GPC6: variants seen among roughly 807,000 people sequenced by gnomAD.
The protein encoded by GPC6 is glypican 6.
GPC6 carries 14 observed loss-of-function variants against 55.2 expected under a neutral mutation model. That is an observed-to-expected ratio of 0.25 (90% CI 0.17 to 0.40). GPC6 has a LOEUF of 0.40. GPC6 is among the 10% of genes least tolerant of loss of function. The pLI is 1.00. For missense variants in GPC6, 641 were observed against 708.5 expected, an observed-to-expected ratio of 0.90 and a Z score of 1.08; for synonymous variants, 278 against 259.6, an observed-to-expected ratio of 1.07 and a Z score of -0.68.
intron 1 of GPC6, among the ~76,000 whole-genome samples, chr13:93,336,714 G>A (rs1181130803): frequency 6.6e-6 from 1 of 152,230 alleles, no homozygotes; most frequent in African/African-American, 2.4e-5. Context: ...GGTAGACTGT[G>A]ACACCGGGTG....
chr13:94,368,138 A>G (rs1335320156), intron 6 of GPC6, among the ~76,000 whole-genome samples: 1 of 131,078 alleles, frequency 7.6e-6, no homozygotes, highest in East Asian at 2.3e-4. Flanking sequence ...ACAGAGCAAG[A>G]CTCTGTCTCA....
At chr13:93,698,572 T>C (rs1192682239) in intron 2 of GPC6, among the ~76,000 whole-genome samples, 1 of 150,276 alleles carries the variant, frequency 6.7e-6, no homozygotes, top group East Asian at 2.0e-4. Context: ...TTAGATTATT[T>C]CCTCTTCTAC....
chr13:93,242,459 C>T (rs1333151241), intron 1 of GPC6, among the ~76,000 whole-genome samples: 2 of 152,288 alleles, frequency 1.3e-5, no homozygotes, highest in African/African-American at 2.4e-5. Flanking sequence ...CCAGAGGACA[C>T]ACATCCTGTG....
At chr13:93,563,646 A>T (rs549869695) in intron 2 of GPC6, among the ~76,000 whole-genome samples, 102 of 152,254 alleles carry the variant, frequency 6.7e-4, no homozygotes, top group African/African-American at 2.4e-3. Context: ...TTGCAACTAA[A>T]GAGTAGCAAG....
At chr13:94,352,480 G>A (rs79388130) in intron 6 of GPC6, among the ~76,000 whole-genome samples, 1,785 of 151,672 alleles carry the variant, frequency 0.012, 34 homozygotes, top group African/African-American at 0.041. Flanking sequence ...GCTCCTAGAG[G>A]AGAGTGAGGC....
intron 4 of GPC6, among the ~76,000 whole-genome samples, chr13:94,219,997 A>G (rs1890336166): frequency 6.6e-6 from 1 of 152,080 alleles, no homozygotes; most frequent in African/African-American, 2.4e-5. Context: ...CCTGAACCAC[A>G]TGACTTCTGG....
chr13:94,189,004 C>T (rs1313079592), intron 4 of GPC6, among the ~76,000 whole-genome samples: 1 of 152,132 alleles, frequency 6.6e-6, no homozygotes, highest in Non-Finnish European at 1.5e-5. Context: ...CCCACCATTT[C>T]CTTTCCCCAT....
intron 4 of GPC6, among the ~76,000 whole-genome samples, chr13:94,183,095 C>T (rs1291499107): frequency 6.6e-6 from 1 of 152,202 alleles, no homozygotes. Context: ...TTTTTAAATG[C>T]ACAATGCAAT....
rs143647862 is a variant in GPC6, at chr13:94,185,991, C to T, written c.878-100358C>T. On this transcript the variant is annotated intron_variant, in intron 4 of 8. Coordinates refer to ENST00000377047, the MANE Select transcript of GPC6 (RefSeq NM_005708.5). The stretch of plus-strand genomic sequence containing the variant: ...AGGAGAATGGCATGAACCCGGGAGG[C>T]GGAGCTTACAGTGAGCCGAGATCGC... 2.8e-3 allele frequency among the ~76,000 whole-genome samples: 358 copies of T among 127,724 alleles called. 1 individual carries two copies. Among genetic ancestry groups the T allele is most frequent in the Admixed American group, 4.9e-3 (48 of 9,832 alleles). 83.8% of individuals were successfully genotyped at this position (127,724 alleles called of 152,430 possible). A position where few individuals can be genotyped will look rare whatever the true frequency, so the allele number is the denominator to read the frequency against.
chr13:94,049,820 T>C (rs75978238), intron 4 of GPC6, among the ~76,000 whole-genome samples: 1,755 of 152,238 alleles, frequency 0.012, 43 homozygotes, highest in African/African-American at 0.041. Flanking sequence ...CCACCCAAAA[T>C]TCATCTTCAA....
At chr13:94,213,122 C>T (rs1161144967) in intron 4 of GPC6, among the ~76,000 whole-genome samples, 4 of 152,184 alleles carry the variant, frequency 2.6e-5, no homozygotes, top group African/African-American at 9.6e-5. Context: ...TGCCACTGCA[C>T]TCCAGCCTGG....
At chr13:93,376,573 T>C (rs1874906954) in intron 1 of GPC6, among the ~76,000 whole-genome samples, 1 of 152,158 alleles carries the variant, frequency 6.6e-6, no homozygotes, top group Non-Finnish European at 1.5e-5. Flanking sequence ...CCATCAGAGC[T>C]CTAACAGTAA....
chr13:93,718,179 T>C (rs1883320151), intron 2 of GPC6, among the ~76,000 whole-genome samples: 1 of 151,972 alleles, frequency 6.6e-6, no homozygotes, highest in African/African-American at 2.4e-5. Context: ...CCTTGAGGAA[T>C]TGCCACACTA....
At chr13:94,400,366 AT>A (rs1337011642) in intron 8 of GPC6, among the ~76,000 whole-genome samples, 1 of 152,110 alleles carries the variant, frequency 6.6e-6, no homozygotes, top group African/African-American at 2.4e-5. Flanking sequence ...TGCTTCCCAC[AT>A]TTTTTAATAT....
At chr13:93,330,635 TATC>T (rs1485879063) in intron 1 of GPC6, among the ~76,000 whole-genome samples, 2 of 152,284 alleles carry the variant, frequency 1.3e-5, no homozygotes, top group African/African-American at 4.8e-5. Context: ...TTATTTAACT[TATC>T]ATGCATCATT....
At chr13:93,689,282 CTT>C (rs1199772973) in intron 2 of GPC6, among the ~76,000 whole-genome samples, 3 of 152,000 alleles carry the variant, frequency 2.0e-5, no homozygotes, top group Admixed American at 2.0e-4. Flanking sequence ...ATCCACAAAA[CTT>C]TATTTGAGTG....
chr13:94,219,370 G>A (rs1890315820), intron 4 of GPC6, among the ~76,000 whole-genome samples: 1 of 152,132 alleles, frequency 6.6e-6, no homozygotes, highest in African/African-American at 2.4e-5. Flanking sequence ...TGGGTAGTAG[G>A]GACAGTTACA....
At chr13:93,821,019 A>C (rs1887028634) in intron 2 of GPC6, among the ~76,000 whole-genome samples, 1 of 152,190 alleles carries the variant, frequency 6.6e-6, no homozygotes, top group Admixed American at 6.5e-5. Flanking sequence ...TCCTGACTAC[A>C]AGAATTTAAA....
chr13:93,223,039 T>TTTTTC, upstream of GPC6, among the ~76,000 whole-genome samples: 1 of 149,740 alleles, frequency 6.7e-6, no homozygotes, highest in South Asian at 2.1e-4. Flanking sequence ...TTTTTTTTTT[T>TTTTTC]TCAGAAATCT....
Sources: allele counts gnomAD v4.1 joint callset (sites outside exome capture counted in the v4.1 genomes callset), GRCh38; gene constraint gnomAD v4.1.1; transcripts MANE v1.5; gene names NCBI Gene and HGNC (gene_info 2026-07-23, HGNC 2026-07-21).